ITFG1: variants seen among roughly 807,000 people sequenced by gnomAD.
ITFG1 encodes T-cell immunomodulatory protein.
A neutral mutation model predicts 81.8 loss-of-function variants in ITFG1; 34 were observed. The observed-to-expected ratio is 0.42, with a 90% CI of 0.32 to 0.55. ITFG1 has a LOEUF of 0.55. Among genes scored for constraint, ITFG1 ranks in the 20% least tolerant of loss-of-function variants. The probability of loss-of-function intolerance (pLI) is 0.17; values close to 1 mark genes in which losing one functional copy is unlikely to be tolerated. For missense variants in ITFG1, 672 were observed against 755.4 expected (o/e 0.89, Z 1.29); for synonymous variants, 285 against 270.6 (o/e 1.05, Z -0.52).
At chr16:47,351,054 T>C (rs1273983223) in intron 8 of ITFG1, among the ~76,000 whole-genome samples, 4 of 152,178 alleles carry the variant, frequency 2.6e-5, no homozygotes, top group East Asian at 3.8e-4. Flanking sequence ...ATTGATGGGA[T>C]GTATCTCAAA....
chr16:47,330,344 A>AC lies in ITFG1; in HGVS notation c.803-16522_803-16521insG, dbSNP rs1202207748. Reference sequence around the variant, plus strand: ...AAGACCTCAACCTAAAAAATCCTAGAACAAAACCTAGGAAATACTCTTTGG... The same window carrying AC: ...AAGACCTCAACCTAAAAAATCCTAGACACAAAACCTAGGAAATACTCTTTGG... On this transcript the variant is annotated intron_variant, in intron 8 of 17. Transcript: ENST00000320640. Among the ~76,000 whole-genome samples the AC allele has an allele frequency of 2.0e-5, 3 of 152,232 alleles. No individual in the cohort carries two copies. In the East Asian group the frequency reaches 5.8e-4, roughly 29 times the overall value.
chr16:47,215,203 T>G (rs533804510), intron 14 of ITFG1, among the ~76,000 whole-genome samples: 2 of 152,266 alleles, frequency 1.3e-5, no homozygotes, highest in Admixed American at 1.3e-4. Flanking sequence ...CAGTGGAACA[T>G]TCTCTGCTGA....
chr16:47,246,254 CATG>C lies in ITFG1; in HGVS notation c.1331-8249_1331-8247del, dbSNP rs376075039. Among the ~76,000 whole-genome samples, 28 of 152,278 alleles carry C rather than the reference CATG, an allele frequency of 1.8e-4. 1 individual carries two copies. The South Asian group carries it at 5.2e-3, about 28-fold the overall frequency. On this transcript the variant is annotated intron_variant, in intron 12 of 17. Transcript: ENST00000320640. The stretch of plus-strand genomic sequence containing the variant: ...GTTTCACATTATAACATTAGGATCA[CATG>C]ATAAGACTTAAATGTAACCTTAACT...
At chr16:47,350,015 A>G (rs532015846) in intron 8 of ITFG1, among the ~76,000 whole-genome samples, 13 of 152,340 alleles carry the variant, frequency 8.5e-5, no homozygotes, top group African/African-American at 3.1e-4. Context: ...TTTGAAACCA[A>G]TGAGAACAAA....
chr16:47,293,132 T>C (rs1966931009), intron 10 of ITFG1, among the ~76,000 whole-genome samples: 1 of 147,174 alleles, frequency 6.8e-6, no homozygotes, highest in Admixed American at 6.8e-5. Context: ...AAGCATGATA[T>C]ATAATATATA....
chr16:47,447,852 GT>G (rs752701417), intron 5 of ITFG1, among the ~76,000 whole-genome samples: 2 of 152,174 alleles, frequency 1.3e-5, no homozygotes, highest in Non-Finnish European at 2.9e-5. Context: ...TAATAGCACA[GT>G]TCCTTTAGGA....
intron 6 of ITFG1, among the ~76,000 whole-genome samples, chr16:47,421,439 G>A (rs1683360315): frequency 6.6e-6 from 1 of 151,858 alleles, no homozygotes; most frequent in South Asian, 2.1e-4. Context: ...TGAGTAGCTG[G>A]GACTACAGGC....
chr16:47,225,864 T>C (rs1965750426), intron 13 of ITFG1, among the ~76,000 whole-genome samples: 1 of 152,110 alleles, frequency 6.6e-6, no homozygotes, highest in Non-Finnish European at 1.5e-5. Context: ...AAGAGTACTG[T>C]TAAAGGTAAC....
At chr16:47,389,598 TA>T (rs1419615156) in intron 6 of ITFG1, among the ~76,000 whole-genome samples, 12 of 152,122 alleles carry the variant, frequency 7.9e-5, no homozygotes, top group African/African-American at 2.9e-4. Flanking sequence ...TATAAAGTAA[TA>T]ATTATAACAA....
intron 14 of ITFG1, among the ~76,000 whole-genome samples, chr16:47,180,860 G>A (rs1596788654): frequency 6.6e-6 from 1 of 150,862 alleles, no homozygotes; most frequent in Non-Finnish European, 1.5e-5. Flanking sequence ...TGGGATGTGA[G>A]GAGCCCCTCT....
intron 10 of ITFG1, among the ~76,000 whole-genome samples, chr16:47,271,180 AACCCAC>A (rs1966335273): frequency 6.6e-6 from 1 of 152,232 alleles, no homozygotes; most frequent in African/African-American, 2.4e-5. Flanking sequence ...GTAAGATGAC[AACCCAC>A]AGAAAGGGAG....
In ITFG1 at chr16:47,365,775, T is replaced by TTTTA; in HGVS notation, c.802+12_802+13insTAAA. On this transcript the variant is annotated intron_variant, in intron 8 of 17. Transcript: ENST00000320640. Reference sequence around the variant, plus strand: ...GGCAAAAGCCTTTTTTTTTTTTTTTTACCAAATCTTACCAAAGTCTGCAAA... The same window carrying TTTTA: ...GGCAAAAGCCTTTTTTTTTTTTTTTTTTTAACCAAATCTTACCAAAGTCTGCAAA... The TTTTA allele has an allele frequency of 6.8e-7, 1 of 1,472,072 alleles. No individual in the cohort carries two copies. Among genetic ancestry groups the TTTTA allele is most frequent in the Admixed American group, 1.9e-5 (1 of 53,554 alleles). The allele number at this position is 1,472,072 out of a possible 1,614,324, so 91.2% of individuals were successfully genotyped here.
At chr16:47,287,570 T>TA (rs1246800788) in intron 10 of ITFG1, among the ~76,000 whole-genome samples, 1 of 152,106 alleles carries the variant, frequency 6.6e-6, no homozygotes, top group Non-Finnish European at 1.5e-5. Flanking sequence ...CTGGCTATTA[T>TA]AAAATTTTTT....
intron 6 of ITFG1, among the ~76,000 whole-genome samples, chr16:47,418,791 A>G (rs1968904465): frequency 6.6e-6 from 1 of 152,296 alleles, no homozygotes; most frequent in Admixed American, 6.5e-5. Context: ...ACTTTGTAGT[A>G]TATGTCTGTA....
At chr16:47,239,843 C>G (rs1188735756) in intron 12 of ITFG1, among the ~76,000 whole-genome samples, 1 of 152,126 alleles carries the variant, frequency 6.6e-6, no homozygotes, top group Admixed American at 6.5e-5. Flanking sequence ...TTTGCATAAG[C>G]CTTCATTTAA....
intron 2 of ITFG1, among the ~76,000 whole-genome samples, chr16:47,457,726 A>G (rs1013524335): frequency 6.6e-6 from 1 of 152,162 alleles, no homozygotes; most frequent in African/African-American, 2.4e-5. Flanking sequence ...ATTAATTGGG[A>G]TATTTGTTTT....
At position 47,311,541 on chromosome 16, in the gene ITFG1, A is replaced by G. The variant is rs145117854; in HGVS notation, c.898-129T>C. The G allele has an allele frequency of 1.3e-3, 769 of 569,826 alleles. 19 individuals are homozygous for G. In the East Asian group the frequency reaches 0.024, roughly 18 times the overall value. The allele number at this position is 569,826 out of a possible 1,614,324, so 35.3% of individuals were successfully genotyped here. On this transcript the variant is annotated intron_variant, in intron 9 of 17. Transcript: ENST00000320640. ...TACTTAACTTTTTTATCTCTACAAT[A>G]TGGTAGGGGATCATAATTTACTCTG...
Position 47,311,379 on chromosome 16 carries a change from C to T in ITFG1, c.931G>A (p.Gly311Ser). ...VPVLQDFSNK[G>S]TLWGFVPFVD... is the part of the protein sequence containing the mutation. The stretch of plus-strand genomic sequence containing the variant: ...AATGGCACAAAGCCCCAGAGTGTGC[C>T]CTTATTGCTGAAATCTTGTAGGACT... The change falls in exon 10 of 18, where the codon GGC (glycine) becomes AGC (serine). Residue 311 changes from glycine (G) to serine (S), a missense_variant. Gly to Ser is a moderately conservative substitution (Grantham distance 56, BLOSUM62 0). Around this residue, in one of 3 missense-constraint regions of ITFG1, gnomAD observed 560 missense variants for 625.7 expected, o/e 0.90. Coordinates refer to ENST00000320640, the MANE Select transcript of ITFG1 (RefSeq NM_030790.5). The T allele has an allele frequency of 6.2e-7, 1 of 1,612,982 alleles. No individual in the cohort carries two copies. Among genetic ancestry groups the T allele is most frequent in the Non-Finnish European group, 8.5e-7 (1 of 1,179,486 alleles).
intron 8 of ITFG1, among the ~76,000 whole-genome samples, chr16:47,361,735 A>C (rs1007478657): frequency 2.0e-5 from 3 of 152,314 alleles, no homozygotes; most frequent in African/African-American, 7.2e-5. Flanking sequence ...CTTTTGGGCC[A>C]CTAATACCCT....
Sources: gnomAD v4.1 joint callset for allele counts (sites outside exome capture counted in the v4.1 genomes callset) on GRCh38, gnomAD v4.1.1 for gene constraint, gnomAD v4.1.1 regional missense constraint, MANE v1.5 for transcripts, NCBI Gene and HGNC (gene_info 2026-07-23, HGNC 2026-07-21) for gene names.